The following TRAPPC11 variants were observed in gnomAD, a reference collection of about 807,000 sequenced individuals.
The protein encoded by TRAPPC11 is trafficking protein particle complex subunit 11.
Under a neutral mutation model 151.2 loss-of-function variants are expected in TRAPPC11, and 104 were observed. That is an observed-to-expected ratio of 0.69 (90% confidence interval 0.59 to 0.81). The LOEUF (loss-of-function observed/expected upper bound fraction) is 0.81, where lower values mean the gene tolerates loss of function less well. Among genes scored for constraint, TRAPPC11 ranks in the 30% least tolerant of loss-of-function variants. The pLI is 0.00. For missense variants in TRAPPC11, 1,230 were observed against 1,349.6 expected (o/e 0.91, Z 1.39); for synonymous variants, 456 against 472.3 (o/e 0.97, Z 0.45).
At chr4:183,684,257 C>T in intron 13 of TRAPPC11, 34 bp downstream of exon 13, 1 of 1,612,154 alleles carries the variant, frequency 6.2e-7, no homozygotes, top group Non-Finnish European at 8.5e-7. Context: ...TTGCATGCAA[C>T]TTTGAATGAC....
chr4:183,701,546 T>G, intron 25 of TRAPPC11, 151 bp from the exon 26 acceptor site: 1 of 572,532 alleles, frequency 1.7e-6, no homozygotes, highest in Non-Finnish European at 3.1e-6. Context: ...CTTGAAAAAG[T>G]CATTTAACAT....
At position 183,684,347 on chromosome 4, in the gene TRAPPC11, C is replaced by T. The variant is rs200956431; in HGVS notation, c.1409C>T (p.Thr470Ile). The stretch of plus-strand genomic sequence containing the variant: ...GAATATTATTACGCAAAGGATTATA[C>T]CAAAGCTTTGAAGTGAGTCCTGTTC... ...GEEYYYAKDYTKALKLLDYVM... is the reference protein window; with the variant it reads ...GEEYYYAKDYIKALKLLDYVM... Residue 470 changes from threonine (T) to isoleucine (I), a missense_variant, in exon 14 of 30, where the codon ACC becomes ATC. By Grantham distance (89) the Thr-to-Ile change is moderately conservative. Transcript: ENST00000334690. 6.2e-7 allele frequency: 1 copy of T among 1,613,382 alleles called. No individual in the cohort carries two copies. Among genetic ancestry groups the T allele is most frequent in the East Asian group, 2.2e-5 (1 of 44,840 alleles).
rs200068440 is a variant in TRAPPC11, at chr4:183,694,019, A to G, written c.2489A>G (p.Asp830Gly). Residue 830 changes from aspartate to glycine, a missense_variant, in exon 22 of 30, where the codon GAC (aspartate) becomes GGC (glycine). Physicochemically the swap from Asp to Gly is moderately conservative, Grantham distance 94. Coordinates refer to ENST00000334690, the MANE Select transcript of TRAPPC11 (RefSeq NM_021942.6). ...TTACTCACTGACATTCCTGTTGGAG[A>G]CTTACATCCAGGGGAACAGGTAAAC... ...PALLTDIPVG[D>G]LHPGEQLEKM... is the part of the protein sequence containing the mutation. 61 of 1,613,774 alleles carry G rather than the reference A, an allele frequency of 3.8e-5. No homozygotes were observed. The highest frequency in any genetic ancestry group is 5.1e-5 in the Non-Finnish European group (60 of 1,179,792).
In TRAPPC11 at chr4:183,693,057, C is replaced by A. The variant is rs143990563; in HGVS notation, c.2147C>A (p.Ala716Asp). ...GGAGATGCTGCTTCCTCCCAAGAAGCCTTACAGGCAGCTCGGTCTTTCAAA... is the reference window on the plus strand; with the variant it reads ...GGAGATGCTGCTTCCTCCCAAGAAGACTTACAGGCAGCTCGGTCTTTCAAA... Reference protein sequence around the residue: ...GGGDAASSQEALQAARSFKRR... With the variant: ...GGGDAASSQEDLQAARSFKRR... The change falls in exon 20 of 30, where the codon GCC (alanine) becomes GAC (aspartate). Residue 716 changes from alanine to aspartate, a missense_variant. Coordinates refer to ENST00000334690, the MANE Select transcript of TRAPPC11 (RefSeq NM_021942.6). The A allele has an allele frequency of 2.9e-5, 47 of 1,613,674 alleles. No homozygotes were observed. Among genetic ancestry groups the A allele is most frequent in the Non-Finnish European group, 3.5e-5 (41 of 1,179,762 alleles).
chr4:183,706,248 G>A (rs867117580), intron 27 of TRAPPC11, among the ~76,000 whole-genome samples: 26 of 152,206 alleles, frequency 1.7e-4, no homozygotes, highest in African/African-American at 4.6e-4. Flanking sequence ...CCCTGGCTGG[G>A]CGCGGTGGCT....
At chr4:183,692,610 C>A (rs1385443644) in intron 19 of TRAPPC11, among the ~76,000 whole-genome samples, 1 of 152,030 alleles carries the variant, frequency 6.6e-6, no homozygotes, top group Non-Finnish European at 1.5e-5. Flanking sequence ...TATAATGTAT[C>A]CATAGCCATC....
Position 183,684,767 on chromosome 4 carries a change from C to G in TRAPPC11, c.1493C>G (p.Thr498Arg), listed in dbSNP as rs1293322252. The change falls in exon 15 of 30, where the codon ACA becomes AGA. Residue 498 changes from threonine (T) to arginine (R), a missense_variant. Thr to Arg is a moderately conservative substitution (Grantham distance 71). Coordinates refer to ENST00000334690, the MANE Select transcript of TRAPPC11 (RefSeq NM_021942.6). Reference protein sequence around the residue: ...WWTLLTSVLTTALKCSYLMAQ... With the variant: ...WWTLLTSVLTRALKCSYLMAQ... ...ACTCTGCTCACTTCTGTATTAACTACAGCTCTGAAGTGCTCCTACCTCATG... is the reference window on the plus strand; with the variant it reads ...ACTCTGCTCACTTCTGTATTAACTAGAGCTCTGAAGTGCTCCTACCTCATG... The G allele has an allele frequency of 2.5e-6, 4 of 1,613,568 alleles. No individual in the cohort carries two copies. The highest frequency in any genetic ancestry group is 2.7e-5 in the African/African-American group (2 of 74,906).
Position 183,712,958 on chromosome 4 carries a change from T to G in TRAPPC11, c.*314T>G, listed in dbSNP as rs1579237647. On this transcript the variant is annotated 3_prime_UTR_variant, in exon 30 of 30. Coordinates refer to ENST00000334690, the MANE Select transcript of TRAPPC11 (RefSeq NM_021942.6). ...ATTTGCATGTATAATATCAGGAAAA[T>G]TAAGCATCCCAAGTGTGACTGGACA... The G allele has an allele frequency of 6.2e-6, 2 of 322,258 alleles. No individual in the cohort carries two copies. Among genetic ancestry groups the G allele is most frequent in the African/African-American group, 4.3e-5 (2 of 46,638 alleles). The allele number at this position is 322,258 out of a possible 1,614,324, so 20.0% of individuals were successfully genotyped here. A position where few individuals can be genotyped will look rare whatever the true frequency, so the allele number is the denominator to read the frequency against.
At position 183,687,289 on chromosome 4, in the gene TRAPPC11, G is replaced by C. The variant is rs867158075; in HGVS notation, c.1893+541G>C. 0.026 allele frequency among the ~76,000 whole-genome samples: 145 copies of C among 5,490 alleles called. 5 individuals carry two copies. The South Asian group carries it at 0.37, about 14-fold the overall frequency. 3.6% of individuals were successfully genotyped at this position (5,490 alleles called of 152,430 possible). ...GTTTATAAAGTCTTAAGAATTCTCT[G>C]TGTGTGTGTGTATATATATATATAT... On this transcript the variant is annotated intron_variant, in intron 18 of 29. Transcript: ENST00000334690.
chr4:183,710,360 C>T (rs1484265459), intron 29 of TRAPPC11, among the ~76,000 whole-genome samples: 1 of 151,752 alleles, frequency 6.6e-6, no homozygotes, highest in African/African-American at 2.4e-5. Flanking sequence ...GATGTCTGCT[C>T]ACTGCAAGCT....
At chr4:183,694,472 T>G in intron 22 of TRAPPC11, 132 bp from the exon 23 acceptor site, 1 of 909,162 alleles carries the variant, frequency 1.1e-6, no homozygotes, top group Non-Finnish European at 1.7e-6. Flanking sequence ...ATTGTAACAT[T>G]CTGTAAAAGT....
intron 5 of TRAPPC11, 116 bp downstream of exon 5, chr4:183,668,233 T>A (rs1734979340): frequency 1.7e-6 from 1 of 590,402 alleles, no homozygotes; most frequent in Non-Finnish European, 2.9e-6. Flanking sequence ...ATTCATATGA[T>A]ACAGAGGCTA....
intron 28 of TRAPPC11, among the ~76,000 whole-genome samples, chr4:183,707,809 G>C (rs1216255584): frequency 6.6e-6 from 1 of 152,070 alleles, no homozygotes; most frequent in Non-Finnish European, 1.5e-5. Flanking sequence ...TTTTTCTTGA[G>C]TGTCTTGATT....
intron 9 of TRAPPC11, 82 bp downstream of exon 9, chr4:183,679,568 AC>A: frequency 1.6e-6 from 2 of 1,259,694 alleles, no homozygotes; most frequent in East Asian, 5.1e-5. Context: ...TGGTTCTAAA[AC>A]TGAACCAGGT....
rs1474756015 is a variant in TRAPPC11 at position 183,693,156 on chromosome 4, G to A, written c.2237+9G>A. The stretch of plus-strand genomic sequence containing the variant: ...ATTCAGGCAAGCACAATGTAAGTCT[G>A]CTTTGCTAAGCTGATATTAAAGGTC... On this transcript the variant is annotated intron_variant, in intron 20 of 29. Coordinates refer to ENST00000334690, the MANE Select transcript of TRAPPC11 (RefSeq NM_021942.6). The A allele has an allele frequency of 6.4e-7, 1 of 1,565,814 alleles. No individual in the cohort carries two copies. Among genetic ancestry groups the A allele is most frequent in the Non-Finnish European group, 8.7e-7 (1 of 1,154,866 alleles).
At chr4:183,708,709 A>C in intron 29 of TRAPPC11, 135 bp downstream of exon 29, 2 of 717,564 alleles carry the variant, frequency 2.8e-6, no homozygotes, top group Non-Finnish European at 2.2e-6. Context: ...TGTATTTGGC[A>C]GTATTGCTGT....
chr4:183,688,834 C>T (rs1171083515), intron 18 of TRAPPC11, among the ~76,000 whole-genome samples: 3 of 152,204 alleles, frequency 2.0e-5, no homozygotes, highest in East Asian at 3.9e-4. Context: ...CAGCCTTAGT[C>T]TCCCAGGCTC....
chr4:183,691,675 A>G (rs1311649748), intron 19 of TRAPPC11, among the ~76,000 whole-genome samples: 1 of 152,122 alleles, frequency 6.6e-6, no homozygotes, highest in African/African-American at 2.4e-5. Context: ...TTTTGCAATT[A>G]AAAAATTGAG....
At position 183,684,411 on chromosome 4, in the gene TRAPPC11, A is replaced by T. The variant is rs367957224; in HGVS notation, c.1421+52A>T. 3.8e-4 allele frequency: 566 copies of T among 1,497,746 alleles called. 3 individuals are homozygous for T. In the African/African-American group the frequency reaches 7.0e-3, roughly 19 times the overall value. 92.8% of individuals were successfully genotyped at this position (1,497,746 alleles called of 1,614,324 possible). A position where few individuals can be genotyped will look rare whatever the true frequency, so the allele number is the denominator to read the frequency against. On this transcript the variant is annotated intron_variant, in intron 14 of 29. Transcript: ENST00000334690. ...ACAAGTATTTGGATTATCTGAAGTG[A>T]AACTGAAATAGAAATCAGTGTTGAA...
Sources: gnomAD v4.1 joint callset for allele counts (sites outside exome capture counted in the v4.1 genomes callset) on GRCh38, gnomAD v4.1.1 for gene constraint, MANE v1.5 for transcripts, NCBI Gene and HGNC (gene_info 2026-07-23, HGNC 2026-07-21) for gene names.